The following ADGB variants were observed in gnomAD, a reference collection of about 807,000 sequenced individuals.
ADGB encodes the protein calpain-7-like protein.
In ADGB, 172 loss-of-function variants were observed where a neutral mutation model predicts 210.5. That is an observed-to-expected ratio of 0.82 (90% confidence interval 0.72 to 0.93). ADGB has a LOEUF of 0.93. ADGB is among the 40% of genes least tolerant of loss of function. The pLI is 0.00. For missense variants in ADGB, 2,025 were observed against 1,964.8 expected, an observed-to-expected ratio of 1.03 and a Z score of -0.58; for synonymous variants, 658 against 662.7, an observed-to-expected ratio of 0.99 and a Z score of 0.11.
intron 13 of ADGB, 53 bp from the exon 14 acceptor site, chr6:146,715,329 T>C (rs919359944): frequency 2.9e-6 from 4 of 1,363,820 alleles, no homozygotes; most frequent in Admixed American, 2.2e-5. Context: ...TTTGGTGCTT[T>C]GGATAGCTGT....
chr6:146,654,750 T>G (rs1284590922), intron 4 of ADGB, among the ~76,000 whole-genome samples: 2 of 152,140 alleles, frequency 1.3e-5, no homozygotes, highest in South Asian at 2.1e-4. Flanking sequence ...TCAACTCAGT[T>G]ATTATTGTGT....
At chr6:146,614,231 T>TCCTTCCTCCCTTCCTC (rs1659979388) in intron 1 of ADGB, among the ~76,000 whole-genome samples, 1 of 135,162 alleles carries the variant, frequency 7.4e-6, no homozygotes, top group African/African-American at 3.1e-5. Flanking sequence ...CTTCCTTCCT[T>TCCTTCCTCCCTTCCTC]CCTTCCTTCC....
intron 9 of ADGB, among the ~76,000 whole-genome samples, chr6:146,680,154 G>A (rs781758072): frequency 2.0e-4 from 31 of 152,112 alleles, no homozygotes; most frequent in Admixed American, 4.6e-4. Flanking sequence ...TAAGTGAGAT[G>A]TGGCCTTCTG....
intron 8 of ADGB, among the ~76,000 whole-genome samples, chr6:146,674,892 T>C (rs1238428821): frequency 1.3e-5 from 2 of 152,186 alleles, no homozygotes; most frequent in Non-Finnish European, 2.9e-5. Context: ...TTTATAATTT[T>C]TATTATGTAT....
rs538705503 is a variant in ADGB at position 146,618,655 on chromosome 6, A to G, written c.75-16720A>G. 1.1e-4 allele frequency among the ~76,000 whole-genome samples: 16 copies of G among 151,172 alleles called. No individual in the cohort carries two copies. The South Asian group carries it at 3.4e-3, about 32-fold the overall frequency. On this transcript the variant is annotated intron_variant, in intron 1 of 35. Coordinates refer to ENST00000397944, the MANE Select transcript of ADGB (RefSeq NM_024694.4). Reference sequence around the variant, plus strand: ...TGTTGTTTAATCACCATGAATTTTTACAGTTTCCAGCATTCCTTTTGCTTT... The same window carrying G: ...TGTTGTTTAATCACCATGAATTTTTGCAGTTTCCAGCATTCCTTTTGCTTT...
In ADGB at chr6:146,732,504, A is replaced by G. The variant is rs538099657; in HGVS notation, c.2521-616A>G. Among the ~76,000 whole-genome samples, 18 of 152,168 alleles carry G rather than the reference A, an allele frequency of 1.2e-4. No individual in the cohort carries two copies. The South Asian group carries it at 3.5e-3, about 30-fold the overall frequency. Reference sequence around the variant, plus strand: ...ACCAAGATTACTCCTCACGGGCTCAATGTAGCTGGCCCTGATTTAATATGT... The same window carrying G: ...ACCAAGATTACTCCTCACGGGCTCAGTGTAGCTGGCCCTGATTTAATATGT... On this transcript the variant is annotated intron_variant, in intron 20 of 35. Transcript: ENST00000397944.
At chr6:146,677,283 G>A (rs1485820369) in intron 9 of ADGB, among the ~76,000 whole-genome samples, 2 of 152,020 alleles carry the variant, frequency 1.3e-5, no homozygotes, top group African/African-American at 4.8e-5. Flanking sequence ...CTCAGCTTTG[G>A]CTCATCTATC....
intron 22 of ADGB, among the ~76,000 whole-genome samples, chr6:146,735,183 A>T (rs1562287346): frequency 6.6e-6 from 1 of 152,204 alleles, no homozygotes; most frequent in Non-Finnish European, 1.5e-5. Flanking sequence ...TTTCCTCATT[A>T]CAAAACATAT....
At chr6:146,612,058 C>G (rs1283028837) in intron 1 of ADGB, among the ~76,000 whole-genome samples, 1 of 152,014 alleles carries the variant, frequency 6.6e-6, no homozygotes, top group Non-Finnish European at 1.5e-5. Flanking sequence ...GTCGTTGTCT[C>G]TCATAAGGAT....
chr6:146,775,131 G>T (rs1427194777), intron 29 of ADGB, among the ~76,000 whole-genome samples: 1 of 152,052 alleles, frequency 6.6e-6, no homozygotes, highest in Non-Finnish European at 1.5e-5. Context: ...AGGGTTTTCT[G>T]TTGTTGTTTT....
chr6:146,740,465 G>T lies in ADGB; in HGVS notation c.2895G>T (p.Met965Ile), dbSNP rs1481324022. ...EQYAVSLLRLMFKSKCKSLES... is the reference protein window; with the variant it reads ...EQYAVSLLRLIFKSKCKSLES... ...TTTATTTTTATATTTCTAGACTAATGTTTAAAAGCAAGTGCAAGTCTTTGG... is the reference window on the plus strand; with the variant it reads ...TTTATTTTTATATTTCTAGACTAATTTTTAAAAGCAAGTGCAAGTCTTTGG... The change falls in exon 24 of 36, where the codon ATG (methionine) becomes ATT (isoleucine). Residue 965 changes from methionine (M) to isoleucine (I), a missense_variant. Met to Ile is a conservative substitution (Grantham distance 10). Coordinates refer to ENST00000397944, the MANE Select transcript of ADGB (RefSeq NM_024694.4). 1 of 1,539,882 alleles carries T rather than the reference G, an allele frequency of 6.5e-7. No individual in the cohort carries two copies. Among genetic ancestry groups the T allele is most frequent in the Admixed American group, 2.0e-5 (1 of 49,346 alleles).
intron 26 of ADGB, among the ~76,000 whole-genome samples, chr6:146,750,412 G>T (rs1386006097): frequency 6.6e-6 from 1 of 151,946 alleles, no homozygotes; most frequent in Non-Finnish European, 1.5e-5. Context: ...TAAAAATTTA[G>T]TTGAGCATGG....
chr6:146,700,536 G>T (rs1776476034), intron 12 of ADGB, among the ~76,000 whole-genome samples: 1 of 152,214 alleles, frequency 6.6e-6, no homozygotes, highest in South Asian at 2.1e-4. Flanking sequence ...CGGGTAGCTG[G>T]TATGAATGTC....
At chr6:146,638,321 A>G (rs1775454788) in intron 2 of ADGB, among the ~76,000 whole-genome samples, 1 of 152,014 alleles carries the variant, frequency 6.6e-6, no homozygotes, top group African/African-American at 2.4e-5. Context: ...AAACATAAAA[A>G]GCTGTTCTTA....
chr6:146,671,540 G>A (rs892274375), intron 7 of ADGB, among the ~76,000 whole-genome samples: 32 of 152,092 alleles, frequency 2.1e-4, no homozygotes, highest in Non-Finnish European at 4.6e-4. Context: ...CTGTTAGGTG[G>A]TTGTATGTGT....
chr6:146,640,802 G>A (rs549721840), intron 2 of ADGB, among the ~76,000 whole-genome samples: 3 of 151,916 alleles, frequency 2.0e-5, no homozygotes, highest in African/African-American at 4.8e-5. Flanking sequence ...CATAGCCAAC[G>A]TTATACTGAA....
intron 5 of ADGB, 146 bp from the exon 6 acceptor site, chr6:146,664,055 G>A: frequency 1.3e-6 from 1 of 755,092 alleles, no homozygotes; most frequent in Non-Finnish European, 2.0e-6. Flanking sequence ...GAGTAGTATT[G>A]AAATCCAGTA....
intron 16 of ADGB, among the ~76,000 whole-genome samples, chr6:146,720,051 T>A (rs539837678): frequency 6.6e-6 from 1 of 150,462 alleles, no homozygotes; most frequent in East Asian, 1.9e-4. Flanking sequence ...GTTTTTCATA[T>A]ATTAACTTTT....
intron 1 of ADGB, among the ~76,000 whole-genome samples, chr6:146,624,580 T>A (rs1433534118): frequency 6.6e-6 from 1 of 151,862 alleles, no homozygotes; most frequent in Non-Finnish European, 1.5e-5. Context: ...AGAAAAAATG[T>A]TTCTATGTTT....
Sources: gnomAD v4.1 joint callset for allele counts (sites outside exome capture counted in the v4.1 genomes callset) on GRCh38, gnomAD v4.1.1 for gene constraint, MANE v1.5 for transcripts, NCBI Gene and HGNC (gene_info 2026-07-23, HGNC 2026-07-21) for gene names.